Variants in NCKAP5 observed in about 807,000 individuals in gnomAD.
NCKAP5 encodes NCK associated protein 5, also known as nck-associated protein 5.
Under a neutral mutation model 167.0 loss-of-function variants are expected in NCKAP5, and 92 were observed. The ratio of observed to expected loss-of-function variants is 0.55; its 90% CI spans 0.47 to 0.66. The LOEUF is 0.66. Ranked by LOEUF, NCKAP5 falls within the 30% of genes least tolerant of loss-of-function variation. The pLI, the probability that NCKAP5 is intolerant of heterozygous loss-of-function variation, is 0.00. For synonymous variants in NCKAP5, 891 were observed against 877.4 expected (o/e 1.02, Z -0.27); for missense variants, 2,378 against 2,315.0 (o/e 1.03, Z -0.56).
At chr2:133,669,719 A>G in the NCKAP5 span, among the ~76,000 whole-genome samples, 5 of 152,336 alleles carry the variant, frequency 3.3e-5, no homozygotes, top group South Asian at 6.2e-4. Flanking sequence ...GCGTTGTCCA[A>G]TTACGAGAGA....
intron 3 of NCKAP5, among the ~76,000 whole-genome samples, chr2:133,303,579 T>C (rs926378990): frequency 2.0e-5 from 3 of 152,180 alleles, no homozygotes; most frequent in Non-Finnish European, 4.4e-5. Context: ...GGCACTTGTA[T>C]ACACTAATGG....
chr2:133,445,986 G>A (rs1201534405), intron 3 of NCKAP5, among the ~76,000 whole-genome samples: 1 of 152,170 alleles, frequency 6.6e-6, no homozygotes, highest in African/African-American at 2.4e-5. Flanking sequence ...CGTGGTGGTG[G>A]TTTCAAATGA....
At chr2:133,346,295 G>C (rs1231843118) in intron 3 of NCKAP5, among the ~76,000 whole-genome samples, 1 of 152,186 alleles carries the variant, frequency 6.6e-6, no homozygotes, top group Non-Finnish European at 1.5e-5. Flanking sequence ...TCCTCAGAAT[G>C]GGGTCTATAT....
At chr2:133,537,101 TTGACTA>T (rs2104860235) in intron 2 of NCKAP5, among the ~76,000 whole-genome samples, 1 of 152,218 alleles carries the variant, frequency 6.6e-6, no homozygotes, top group South Asian at 2.1e-4. Context: ...CAAAAGTCTA[TTGACTA>T]TAAGTGAGAG....
At chr2:133,542,882 G>C (rs1336357888) in intron 2 of NCKAP5, among the ~76,000 whole-genome samples, 3 of 152,074 alleles carry the variant, frequency 2.0e-5, no homozygotes, top group African/African-American at 7.2e-5. Context: ...AGCTTCTCTG[G>C]TCTCTACTTT....
chr2:133,575,995 C>T, the NCKAP5 span, among the ~76,000 whole-genome samples: 1 of 152,230 alleles, frequency 6.6e-6, no homozygotes, highest in Non-Finnish European at 1.5e-5. Flanking sequence ...TCCCTCCATG[C>T]TAGCATGGTG....
intron 4 of NCKAP5, among the ~76,000 whole-genome samples, chr2:133,297,807 G>A (rs1339081806): frequency 6.6e-6 from 1 of 152,080 alleles, no homozygotes; most frequent in African/African-American, 2.4e-5. Flanking sequence ...AGTATAAATG[G>A]AAGGCCACCA....
At chr2:132,810,361 T>C (rs1390909169) in intron 11 of NCKAP5, among the ~76,000 whole-genome samples, 1 of 152,244 alleles carries the variant, frequency 6.6e-6, no homozygotes, top group Non-Finnish European at 1.5e-5. Flanking sequence ...TTCCCCCAAA[T>C]ATGTTTTCCA....
At chr2:132,717,132 G>T (rs931130685) in intron 19 of NCKAP5, among the ~76,000 whole-genome samples, 12 of 152,188 alleles carry the variant, frequency 7.9e-5, no homozygotes, top group African/African-American at 2.9e-4. Context: ...GCTTGTCATG[G>T]TCAGTACTTT....
At chr2:132,809,632 C>T (rs933356863) in intron 11 of NCKAP5, among the ~76,000 whole-genome samples, 2 of 152,062 alleles carry the variant, frequency 1.3e-5, no homozygotes, top group Non-Finnish European at 2.9e-5. Flanking sequence ...CCTTTTCCAT[C>T]CCTTTAAGTT....
At chr2:133,613,560 G>A in the NCKAP5 span, among the ~76,000 whole-genome samples, 1 of 152,196 alleles carries the variant, frequency 6.6e-6, no homozygotes. Context: ...TCTAAGATAT[G>A]AAACAGAGTT....
chr2:133,309,427 G>A (rs899129881), intron 3 of NCKAP5, among the ~76,000 whole-genome samples: 5 of 151,998 alleles, frequency 3.3e-5, no homozygotes, highest in South Asian at 2.1e-4. Flanking sequence ...ACTTGCCCTC[G>A]TTAGTGTTCT....
intron 19 of NCKAP5, among the ~76,000 whole-genome samples, chr2:132,679,608 G>A (rs886235799): frequency 2.0e-5 from 3 of 152,094 alleles, no homozygotes; most frequent in African/African-American, 7.2e-5. Flanking sequence ...GTGTCTCCAT[G>A]GGCAAAGAAA....
At chr2:133,092,219 AAATTGGGCCTGAAATCC>A (rs1478456558) in intron 6 of NCKAP5, among the ~76,000 whole-genome samples, 16 of 152,210 alleles carry the variant, frequency 1.1e-4, no homozygotes, top group Non-Finnish European at 1.6e-4. Context: ...CCAATGGCTG[AAATTGGGCCTGAAATCC>A]AATTGGGCCT....
At chr2:132,902,622 T>C (rs777210741) in intron 8 of NCKAP5, among the ~76,000 whole-genome samples, 12 of 152,184 alleles carry the variant, frequency 7.9e-5, no homozygotes, top group Non-Finnish European at 1.8e-4. Flanking sequence ...ATCTTGGCTG[T>C]AAGATAGTTT....
intron 5 of NCKAP5, among the ~76,000 whole-genome samples, chr2:133,211,137 C>T (rs2086196796): frequency 6.6e-6 from 1 of 152,152 alleles, no homozygotes; most frequent in African/African-American, 2.4e-5. Context: ...CAGAATCCCC[C>T]TCCCCCAGAC....
chr2:132,952,688 T>C lies in NCKAP5; in HGVS notation c.579+11032A>G, dbSNP rs2076223636. Among the ~76,000 whole-genome samples, 3 of 152,114 alleles carry C rather than the reference T, an allele frequency of 2.0e-5. No individual in the cohort carries two copies. In the South Asian group the frequency reaches 6.2e-4, roughly 31 times the overall value. ...GACAAGTTCAGCTTCCTCACATCAA[T>C]AGTGAGAGACAGGCCACAAGAAAAC... On this transcript the variant is annotated intron_variant, in intron 8 of 19. Coordinates refer to ENST00000409261, the MANE Select transcript of NCKAP5 (RefSeq NM_207363.3).
intron 4 of NCKAP5, among the ~76,000 whole-genome samples, chr2:133,299,906 G>A (rs1680254806): frequency 6.6e-6 from 1 of 151,984 alleles, no homozygotes. Context: ...GAAAAAGAGA[G>A]AAGAATCAAA....
intron 3 of NCKAP5, among the ~76,000 whole-genome samples, chr2:133,359,384 T>C (rs1245223764): frequency 2.6e-5 from 4 of 152,224 alleles, no homozygotes; most frequent in Non-Finnish European, 5.9e-5. Context: ...TTAGTTTTGT[T>C]ACTACACTGA....
Sources: allele counts gnomAD v4.1 joint callset (sites outside exome capture counted in the v4.1 genomes callset), GRCh38; gene constraint gnomAD v4.1.1; transcripts MANE v1.5; gene names NCBI Gene and HGNC (gene_info 2026-07-23, HGNC 2026-07-21).